The following NKAIN3 variants were observed in gnomAD, a reference collection of about 807,000 sequenced individuals.
NKAIN3 encodes sodium/potassium transporting ATPase interacting 3, also known as sodium/potassium-transporting ATPase subunit beta-1-interacting protein 3.
NKAIN3 carries 25 observed loss-of-function variants against 30.2 expected under a neutral mutation model. That is an observed-to-expected ratio of 0.83 (90% confidence interval 0.60 to 1.16). The LOEUF (loss-of-function observed/expected upper bound fraction) is 1.16. Ranked by LOEUF, NKAIN3 falls within the 50% of genes most tolerant of loss-of-function variation. The probability of loss-of-function intolerance (pLI) is 0.00; values close to 1 mark genes in which losing one functional copy is unlikely to be tolerated. For missense variants in NKAIN3, 225 were observed against 254.1 expected (o/e 0.89, Z 0.78); for synonymous variants, 91 against 89.6 (o/e 1.02, Z -0.09).
At chr8:62,657,688 G>A (rs1210646056) in intron 3 of NKAIN3, among the ~76,000 whole-genome samples, 1 of 152,172 alleles carries the variant, frequency 6.6e-6, no homozygotes, top group Non-Finnish European at 1.5e-5. Flanking sequence ...GTAAACACTT[G>A]TTGCATGATC....
At chr8:62,755,589 G>T (rs532407452) in intron 4 of NKAIN3, among the ~76,000 whole-genome samples, 2 of 151,926 alleles carry the variant, frequency 1.3e-5, no homozygotes, top group South Asian at 4.2e-4. Flanking sequence ...TAAGAGGAAA[G>T]AAATCATGAC....
chr8:62,487,910 C>G (rs1353028346), intron 1 of NKAIN3, among the ~76,000 whole-genome samples: 1 of 152,122 alleles, frequency 6.6e-6, no homozygotes, highest in Non-Finnish European at 1.5e-5. Context: ...AGTAAATCTG[C>G]TGAGGAGTCT....
intron 4 of NKAIN3, among the ~76,000 whole-genome samples, chr8:62,782,170 T>C (rs887261863): frequency 2.0e-5 from 3 of 151,952 alleles, no homozygotes; most frequent in Admixed American, 1.3e-4. Context: ...TATGAAAAGA[T>C]ACTCGACATC....
intron 1 of NKAIN3, among the ~76,000 whole-genome samples, chr8:62,350,807 C>T (rs963710296): frequency 1.3e-5 from 2 of 152,006 alleles, no homozygotes; most frequent in Non-Finnish European, 2.9e-5. Context: ...TCTCATGCCT[C>T]AGCTTCCAGA....
rs114904966 is a variant in NKAIN3, at chr8:62,416,208, A to T, written c.55-163331A>T. On this transcript the variant is annotated intron_variant, in intron 1 of 6. Coordinates refer to ENST00000623646, the MANE Select transcript of NKAIN3 (RefSeq NM_001304533.3). ...ACTCTTTGCCTTCCAGCCGTCTACC[A>T]TCTACAATTCATACTCATTAAGGAT... 4.1e-3 allele frequency among the ~76,000 whole-genome samples: 628 copies of T among 152,294 alleles called. 2 individuals are homozygous for T. The highest frequency in any genetic ancestry group is 0.014 in the African/African-American group (591 of 41,548).
At position 62,319,542 on chromosome 8, in the gene NKAIN3, C is replaced by T. The variant is rs557813779; in HGVS notation, c.54+70415C>T. Among the ~76,000 whole-genome samples, 237 of 152,124 alleles carry T rather than the reference C, an allele frequency of 1.6e-3. 1 individual carries two copies. The highest frequency in any genetic ancestry group is 5.4e-3 in the African/African-American group (222 of 41,486). Reference sequence around the variant, plus strand: ...TTCTGGTATGTTGTGTCTTTGTTCTCGTTGGTTTCAAAGAACATATTTATT... The same window carrying T: ...TTCTGGTATGTTGTGTCTTTGTTCTTGTTGGTTTCAAAGAACATATTTATT... On this transcript the variant is annotated intron_variant, in intron 1 of 6. Coordinates refer to ENST00000623646, the MANE Select transcript of NKAIN3 (RefSeq NM_001304533.3).
chr8:62,728,613 G>T (rs1410077831), intron 3 of NKAIN3, among the ~76,000 whole-genome samples: 4 of 151,802 alleles, frequency 2.6e-5, no homozygotes, highest in African/African-American at 9.7e-5. Context: ...TGCCTTGAGC[G>T]GAGATCGCGC....
intron 1 of NKAIN3, among the ~76,000 whole-genome samples, chr8:62,329,414 G>C (rs1298632769): frequency 6.6e-6 from 1 of 152,112 alleles, no homozygotes; most frequent in Non-Finnish European, 1.5e-5. Flanking sequence ...GTGATGCTGA[G>C]GTGTGGGGTA....
intron 5 of NKAIN3, among the ~76,000 whole-genome samples, chr8:62,992,656 T>A (rs1365337056): frequency 6.6e-6 from 1 of 151,960 alleles, no homozygotes; most frequent in Non-Finnish European, 1.5e-5. Context: ...AAGTTTTTCA[T>A]ATAGCCATGA....
At chr8:62,469,424 A>C (rs1219257626) in intron 1 of NKAIN3, among the ~76,000 whole-genome samples, 4 of 152,112 alleles carry the variant, frequency 2.6e-5, no homozygotes, top group Middle Eastern at 3.2e-3. Context: ...ATATGAACCA[A>C]GTTATCTGAA....
At chr8:62,963,966 A>G (rs772126782) in intron 6 of NKAIN3, among the ~76,000 whole-genome samples, 14 of 152,240 alleles carry the variant, frequency 9.2e-5, no homozygotes, top group Non-Finnish European at 1.9e-4. Flanking sequence ...TCCAAGGCAC[A>G]AAGTCATCAA....
chr8:62,911,742 T>C (rs1022699641), intron 4 of NKAIN3, among the ~76,000 whole-genome samples: 1 of 152,118 alleles, frequency 6.6e-6, no homozygotes, highest in African/African-American at 2.4e-5. Context: ...TAAAGGATCA[T>C]CTTTGAAGTA....
chr8:62,706,720 G>C (rs960842970), intron 3 of NKAIN3, among the ~76,000 whole-genome samples: 2 of 151,898 alleles, frequency 1.3e-5, no homozygotes, highest in Non-Finnish European at 2.9e-5. Flanking sequence ...TGGGATACAG[G>C]TGGTATTTGG....
intron 5 of NKAIN3, among the ~76,000 whole-genome samples, chr8:62,949,560 A>C (rs1823222869): frequency 1.3e-5 from 2 of 152,144 alleles, no homozygotes; most frequent in Admixed American, 1.3e-4. Context: ...GGAAGTTGGC[A>C]CAGGAAGAAG....
intron 1 of NKAIN3, among the ~76,000 whole-genome samples, chr8:62,556,573 A>G (rs976061115): frequency 2.0e-5 from 3 of 151,926 alleles, no homozygotes; most frequent in Non-Finnish European, 1.5e-5. Context: ...TATAATATAT[A>G]GGAATATAGA....
chr8:62,658,501 C>A (rs189676686), intron 3 of NKAIN3, among the ~76,000 whole-genome samples: 5 of 152,026 alleles, frequency 3.3e-5, no homozygotes, highest in African/African-American at 1.2e-4. Context: ...TATGTAAATG[C>A]GGTATACCCA....
intron 4 of NKAIN3, among the ~76,000 whole-genome samples, chr8:62,794,520 G>A (rs770429791): frequency 6.6e-6 from 1 of 152,068 alleles, no homozygotes; most frequent in African/African-American, 2.4e-5. Context: ...ATAAAATACT[G>A]TTCTTACATA....
At position 62,523,796 on chromosome 8, in the gene NKAIN3, G is replaced by A. The variant is rs114319992; in HGVS notation, c.55-55743G>A. Among the ~76,000 whole-genome samples the A allele has an allele frequency of 7.7e-3, 1,167 of 152,112 alleles. 14 individuals carry two copies. The highest frequency in any genetic ancestry group is 0.027 in the African/African-American group (1,115 of 41,508). The stretch of plus-strand genomic sequence containing the variant: ...AATGAACCCATAGCAAGTGTGTATC[G>A]CGGGTACAGGTACGTCAGCTCTCCT... On this transcript the variant is annotated intron_variant, in intron 1 of 6. Coordinates refer to ENST00000623646, the MANE Select transcript of NKAIN3 (RefSeq NM_001304533.3).
intron 6 of NKAIN3, among the ~76,000 whole-genome samples, chr8:62,957,061 C>T (rs1823438790): frequency 6.6e-6 from 1 of 152,180 alleles, no homozygotes; most frequent in Non-Finnish European, 1.5e-5. Context: ...ATCTAGCAAT[C>T]GAGCTCCTTG....
Sources: allele counts gnomAD v4.1 joint callset (sites outside exome capture counted in the v4.1 genomes callset), GRCh38; gene constraint gnomAD v4.1.1; transcripts MANE v1.5; gene names NCBI Gene and HGNC (gene_info 2026-07-23, HGNC 2026-07-21).